Variants in ZNF556 observed in about 807,000 individuals in gnomAD.
ZNF556 encodes zinc finger protein 556.
In ZNF556, 11 loss-of-function variants were observed where a neutral mutation model predicts 13.6. The observed-to-expected ratio is 0.81, with a 90% CI of 0.51 to 1.33. The LOEUF is 1.33. ZNF556 is among the 40% of genes most tolerant of loss of function. ZNF556 has a pLI of 0.00. For synonymous variants in ZNF556, 229 were observed against 207.8 expected, an observed-to-expected ratio of 1.10 and a Z score of -0.88; for missense variants, 633 against 566.2, an observed-to-expected ratio of 1.12 and a Z score of -1.20.
chr19:2,872,754 G>A (rs498796), intron 1 of ZNF556, among the ~76,000 whole-genome samples: 98,147 of 147,304 alleles, frequency 0.67, 34,539 homozygotes, highest in African/African-American at 0.89. Flanking sequence ...GGGAGGTGGA[G>A]GTTGCAATGA....
chr19:2,867,937 CCTT>C (rs1445408091), intron 1 of ZNF556, among the ~76,000 whole-genome samples: 1 of 152,162 alleles, frequency 6.6e-6, no homozygotes, highest in Non-Finnish European at 1.5e-5. Context: ...GGGCCTCTCT[CCTT>C]CTAAAGATTG....
chr19:2,881,561 G>C lies in ZNF556; in HGVS notation c.*3232G>C, dbSNP rs2087904838. On this transcript the variant is annotated 3_prime_UTR_variant, in exon 4 of 4. Coordinates refer to ENST00000307635, the MANE Select transcript of ZNF556 (RefSeq NM_024967.3). ...CACTGCACTCCAGCCTGGGCGACAA[G>C]AGTAAGACTCCATCTCAAAAAAAAA... 1 of 150,394 alleles carries C rather than the reference G, an allele frequency of 6.6e-6. No individual in the cohort carries two copies. The highest frequency in any genetic ancestry group is 2.5e-5 in the African/African-American group (1 of 40,812). 9.3% of individuals were successfully genotyped at this position (150,394 alleles called of 1,614,324 possible).
Position 2,873,464 on chromosome 19 carries a change from A to C in ZNF556, c.4-32A>C, listed in dbSNP as rs144646894. On this transcript the variant is annotated intron_variant, in intron 1 of 3. Coordinates refer to ENST00000307635, the MANE Select transcript of ZNF556 (RefSeq NM_024967.3). ...TCCGCAGTGCTGTGAGTTTTACCCC[A>C]TCCTCATGTACACATATGTGGTTTG... 1.8e-3 allele frequency: 2,891 copies of C among 1,610,790 alleles called. 29 individuals carry two copies. The highest frequency in any genetic ancestry group is 0.017 in the South Asian group (1,579 of 90,928).
chr19:2,869,752 G>A lies in ZNF556; in HGVS notation c.3+2328G>A, dbSNP rs73519531. ...CTACTTCTCATCTAGTGCGGCTTTC[G>A]CCTCCTAACTGGTGTCCCGGTGTCT... On this transcript the variant is annotated intron_variant, in intron 1 of 3. Transcript: ENST00000307635. Among the ~76,000 whole-genome samples, 1,382 of 152,148 alleles carry A rather than the reference G, an allele frequency of 9.1e-3. 27 individuals carry two copies. Among genetic ancestry groups the A allele is most frequent in the African/African-American group, 0.031 (1,296 of 41,502 alleles).
rs560096747 is a variant in ZNF556 at position 2,872,169 on chromosome 19, G to A, written c.4-1327G>A. On this transcript the variant is annotated intron_variant, in intron 1 of 3. Transcript: ENST00000307635. ...GTTAGGCCTCGGGATAACTGCGGGC[G>A]GGCCTGACTGATGTCAGGCCCTCCA... Among the ~76,000 whole-genome samples, 253 of 152,104 alleles carry A rather than the reference G, an allele frequency of 1.7e-3. 2 individuals carry two copies. The highest frequency in any genetic ancestry group is 5.8e-3 in the African/African-American group (241 of 41,518).
chr19:2,876,418 T>C (rs182216896), intron 3 of ZNF556, 142 bp downstream of exon 3: 1 of 803,548 alleles, frequency 1.2e-6, no homozygotes, highest in African/African-American at 1.8e-5. Context: ...GGTGAAACCT[T>C]GTCTCTACTA....
chr19:2,873,441 C>T (rs9304900), intron 1 of ZNF556, 55 bp from the exon 2 acceptor site: 734,817 of 1,598,464 alleles, frequency 0.46, 174,733 homozygotes, highest in African/African-American at 0.68. Context: ...AGTTCAGTTC[C>T]GCAGTGCTGT....
At chr19:2,873,878 G>C (rs763685437) in intron 2 of ZNF556, among the ~76,000 whole-genome samples, 1 of 150,368 alleles carries the variant, frequency 6.7e-6, no homozygotes, top group Non-Finnish European at 1.5e-5. Context: ...AATCGCTTGA[G>C]ACCAGGAGTT....
rs143860844 is a variant in ZNF556 at position 2,878,017 on chromosome 19, G to C, written c.1059G>C (p.Ala353=). The C allele has an allele frequency of 1.9e-6, 3 of 1,614,070 alleles. No individual in the cohort carries two copies. The highest frequency in any genetic ancestry group is 1.7e-6 in the Non-Finnish European group (2 of 1,179,976). ...VSGGSVGKSS[A]RPRPSTDVKS... ...GGGGCAGCGTGGGAAAGTCTTCCGC[G>C]AGGCCTCGCCCCTCCACAGATGTCA... Residue 353 remains alanine (A), a synonymous_variant, in exon 4 of 4, where the codon GCG becomes GCC. Transcript: ENST00000307635.
Position 2,867,436 on chromosome 19 carries a change from G to T in ZNF556, c.3+12G>T, listed in dbSNP as rs1033154471. 1.9e-6 allele frequency: 3 copies of T among 1,583,796 alleles called. No individual in the cohort carries two copies. Among genetic ancestry groups the T allele is most frequent in the Non-Finnish European group, 2.6e-6 (3 of 1,166,506 alleles). On this transcript the variant is annotated intron_variant, in intron 1 of 3. Transcript: ENST00000307635. ...ACGGACAGGACATGGTGAGTGCAGG[G>T]CAGGAGCCGAGCCGGAGCCGGAGCC...
At position 2,876,148 on chromosome 19, in the gene ZNF556, AG is replaced by A; in HGVS notation, c.187del (p.Glu63LysfsTer9). The A allele has an allele frequency of 6.2e-7, 1 of 1,612,958 alleles. No individual in the cohort carries two copies. The highest frequency in any genetic ancestry group is 8.5e-7 in the Non-Finnish European group (1 of 1,179,732). ...CTATTTCTCAGCAGGATACTTCTGGAGAAAAATTATCCCTCAAACAGAAAAT... is the reference window on the plus strand; with the variant it reads ...CTATTTCTCAGCAGGATACTTCTGGAAAAAATTATCCCTCAAACAGAAAAT... ...GSISQQDTSG[E>X]KLSLKQKIEK... On this transcript the variant is annotated frameshift_variant, in exon 3 of 4. Transcript: ENST00000307635. LOFTEE classifies it high-confidence loss of function.
At chr19:2,873,418 G>A (rs1056847356) in intron 1 of ZNF556, 78 bp from the exon 2 acceptor site, 1 of 1,539,450 alleles carries the variant, frequency 6.5e-7, no homozygotes, top group Non-Finnish European at 8.9e-7. Context: ...TTGTGTGAGT[G>A]TCCTATGAAC....
Position 2,881,751 on chromosome 19 carries a change from C to A in ZNF556, c.*3422C>A, listed in dbSNP as rs1568356546. 1 of 150,702 alleles carries A rather than the reference C, an allele frequency of 6.6e-6. No individual in the cohort carries two copies. Among genetic ancestry groups the A allele is most frequent in the African/African-American group, 2.4e-5 (1 of 40,866 alleles). The allele number at this position is 150,702 out of a possible 1,614,324, so 9.3% of individuals were successfully genotyped here. A position where few individuals can be genotyped will look rare whatever the true frequency, so the allele number is the denominator to read the frequency against. ...ATGTAATATGTCTTAAATACTATTT[C>A]TTTTTTTTTAATACTATTTCAAGAA... is the stretch of plus-strand genomic sequence containing the variant. On this transcript the variant is annotated 3_prime_UTR_variant, in exon 4 of 4. Coordinates refer to ENST00000307635, the MANE Select transcript of ZNF556 (RefSeq NM_024967.3).
chr19:2,867,389 G>A lies in ZNF556; in HGVS notation c.-33G>A. On this transcript the variant is annotated 5_prime_UTR_variant, in exon 1 of 4. Coordinates refer to ENST00000307635, the MANE Select transcript of ZNF556 (RefSeq NM_024967.3). ...ACCTGCACCGGCTGCGAGGAGCAGGGAGCTCCTCAAAGAGCTCAGGAACGG... is the reference window on the plus strand; with the variant it reads ...ACCTGCACCGGCTGCGAGGAGCAGGAAGCTCCTCAAAGAGCTCAGGAACGG... 6.3e-7 allele frequency: 1 copy of A among 1,577,004 alleles called. No individual in the cohort carries two copies. Among genetic ancestry groups the A allele is most frequent in the Non-Finnish European group, 8.6e-7 (1 of 1,162,508 alleles).
At chr19:2,871,881 T>G (rs1319501638) in intron 1 of ZNF556, among the ~76,000 whole-genome samples, 1 of 151,774 alleles carries the variant, frequency 6.6e-6, no homozygotes, top group Non-Finnish European at 1.5e-5. Flanking sequence ...GGATAAGGAG[T>G]GTGAGCCATC....
chr19:2,882,093 A>G lies in ZNF556; in HGVS notation c.*3764A>G, dbSNP rs1410253413. The G allele has an allele frequency of 1.3e-5, 2 of 152,162 alleles. No individual in the cohort carries two copies. Among genetic ancestry groups the G allele is most frequent in the Non-Finnish European group, 2.9e-5 (2 of 68,042 alleles). The allele number at this position is 152,162 out of a possible 1,614,324, so 9.4% of individuals were successfully genotyped here. A position where few individuals can be genotyped will look rare whatever the true frequency, so the allele number is the denominator to read the frequency against. On this transcript the variant is annotated 3_prime_UTR_variant, in exon 4 of 4. Coordinates refer to ENST00000307635, the MANE Select transcript of ZNF556 (RefSeq NM_024967.3). Reference sequence around the variant, plus strand: ...ACTGTACTCCAGCCAGGGTGACAGAATGAGACCGTGTGTCAAATTAAAAAG... The same window carrying G: ...ACTGTACTCCAGCCAGGGTGACAGAGTGAGACCGTGTGTCAAATTAAAAAG...
At position 2,873,517 on chromosome 19, in the gene ZNF556, G is replaced by A. The variant is rs368592112; in HGVS notation, c.25G>A (p.Val9Met). The stretch of plus-strand genomic sequence containing the variant: ...TTAGGACACAGTGGTCTTTGAAGAC[G>A]TGGTTGTGGATTTCACGCTGGAGGA... MDTVVFEDVVVDFTLEEWA... is the reference protein window; with the variant it reads MDTVVFEDMVVDFTLEEWA... Residue 9 changes from valine to methionine, a missense_variant, in exon 2 of 4, where the codon GTG becomes ATG. Transcript: ENST00000307635. The A allele has an allele frequency of 1.7e-5, 28 of 1,614,050 alleles. No individual in the cohort carries two copies. Among genetic ancestry groups the A allele is most frequent in the African/African-American group, 1.5e-4 (11 of 74,930 alleles).
chr19:2,875,602 T>C (rs1196030188), intron 2 of ZNF556: 2 of 155,210 alleles, frequency 1.3e-5, no homozygotes, highest in East Asian at 3.8e-4. Context: ...CATTTTCTTT[T>C]GGGAGTCGTG....
Position 2,882,962 on chromosome 19 carries a change from T to C in ZNF556, c.*4633T>C, listed in dbSNP as rs1228752127. ...GTTTTTAATACCTTTGTGAAATAAT[T>C]TTAAATTGCCTTATATATTTGGCAT... On this transcript the variant is annotated 3_prime_UTR_variant, in exon 4 of 4. Coordinates refer to ENST00000307635, the MANE Select transcript of ZNF556 (RefSeq NM_024967.3). The C allele has an allele frequency of 6.6e-6, 1 of 152,204 alleles. No individual in the cohort carries two copies. Among genetic ancestry groups the C allele is most frequent in the Non-Finnish European group, 1.5e-5 (1 of 68,048 alleles). 9.4% of individuals were successfully genotyped at this position (152,204 alleles called of 1,614,324 possible). A position where few individuals can be genotyped will look rare whatever the true frequency, so the allele number is the denominator to read the frequency against.
Sources: allele counts gnomAD v4.1 joint callset (sites outside exome capture counted in the v4.1 genomes callset), GRCh38; gene constraint gnomAD v4.1.1; transcripts MANE v1.5; gene names NCBI Gene and HGNC (gene_info 2026-07-23, HGNC 2026-07-21).